Variants in GOLGA4 observed in about 807,000 individuals in gnomAD.
GOLGA4 encodes the protein golgin A4.
Under a neutral mutation model 265.9 loss-of-function variants are expected in GOLGA4, and 169 were observed. The ratio of observed to expected loss-of-function variants is 0.64; its 90% CI spans 0.56 to 0.72. The LOEUF (loss-of-function observed/expected upper bound fraction) is 0.72, where lower values mean the gene tolerates loss of function less well. Among genes scored for constraint, GOLGA4 ranks in the 30% least tolerant of loss-of-function variants. GOLGA4 has a pLI of 0.00. For synonymous variants in GOLGA4, 923 were observed against 855.8 expected, an observed-to-expected ratio of 1.08 and a Z score of -1.37; for missense variants, 2,482 against 2,483.4, an observed-to-expected ratio of 1.00 and a Z score of 0.01.
chr3:37,300,486 T>G (rs574437130), intron 9 of GOLGA4, among the ~76,000 whole-genome samples: 1 of 138,158 alleles, frequency 7.2e-6, no homozygotes, highest in South Asian at 2.2e-4. Context: ...ACTTAAATTG[T>G]TTTTTTTTTT....
intron 10 of GOLGA4, among the ~76,000 whole-genome samples, chr3:37,308,958 TAAC>T (rs1299605611): frequency 1.3e-5 from 2 of 151,786 alleles, no homozygotes; most frequent in Non-Finnish European, 2.9e-5. Context: ...ATTTTTAAAA[TAAC>T]AATTATAGGC....
At chr3:37,328,306 A>G in intron 14 of GOLGA4, 110 bp from the exon 15 acceptor site, 1 of 967,698 alleles carries the variant, frequency 1.0e-6, no homozygotes, top group Non-Finnish European at 1.6e-6. Flanking sequence ...TCTCTCAAAA[A>G]TGTTTTCATA....
At chr3:37,278,620 A>G (rs2096825984) in intron 2 of GOLGA4, among the ~76,000 whole-genome samples, 1 of 152,206 alleles carries the variant, frequency 6.6e-6, no homozygotes, top group Non-Finnish European at 1.5e-5. Context: ...TAAGGTAAAG[A>G]ATGAATGTAG....
At chr3:37,311,111 T>C (rs1340022254) in intron 10 of GOLGA4, among the ~76,000 whole-genome samples, 2 of 152,158 alleles carry the variant, frequency 1.3e-5, no homozygotes, top group Non-Finnish European at 2.9e-5. Context: ...GGTGAGATGT[T>C]TCTGGGTAGT....
intron 2 of GOLGA4, among the ~76,000 whole-genome samples, chr3:37,261,803 A>G (rs975420074): frequency 6.6e-6 from 1 of 152,138 alleles, no homozygotes; most frequent in East Asian, 1.9e-4. Context: ...GGGAGGCCTC[A>G]TGACCAAGAA....
chr3:37,308,233 C>CAA (rs750032403), intron 10 of GOLGA4, among the ~76,000 whole-genome samples: 4 of 108,732 alleles, frequency 3.7e-5, no homozygotes, highest in African/African-American at 1.0e-4. Context: ...AACTCTGTCT[C>CAA]AAAAAAAAAA....
intron 22 of GOLGA4, among the ~76,000 whole-genome samples, chr3:37,358,945 G>T (rs2097097483): frequency 1.3e-5 from 2 of 152,156 alleles, no homozygotes; most frequent in South Asian, 4.1e-4. Flanking sequence ...TTGGTAAAAT[G>T]AGATTGTTGG....
intron 2 of GOLGA4, among the ~76,000 whole-genome samples, chr3:37,270,987 G>T (rs1578429629): frequency 6.6e-6 from 1 of 151,754 alleles, no homozygotes; most frequent in East Asian, 1.9e-4. Flanking sequence ...AGATCATCAG[G>T]CATTACATTC....
chr3:37,319,871 C>T (rs1397296716), intron 12 of GOLGA4: 1 of 151,494 alleles, frequency 6.6e-6, no homozygotes, highest in Non-Finnish European at 1.5e-5. Context: ...TGATTAGGGA[C>T]AAAAAAAGGA....
rs191830598 is a variant in GOLGA4 at position 37,285,995 on chromosome 3, G to A, written c.478-19G>A. ...CATTTATTTAGGAATGACTAATGTT[G>A]TTGATGACTATATTTTAGCTTGTTA... On this transcript the variant is annotated intron_variant, in intron 3 of 23. Transcript: ENST00000361924. 3.2e-5 allele frequency: 47 copies of A among 1,458,864 alleles called. No homozygotes were observed. In the African/African-American group the frequency reaches 6.1e-4, roughly 19 times the overall value. The allele number at this position is 1,458,864 out of a possible 1,614,324, so 90.4% of individuals were successfully genotyped here.
intron 3 of GOLGA4, 117 bp downstream of exon 3, chr3:37,282,389 T>A: frequency 1.4e-6 from 1 of 710,708 alleles, no homozygotes; most frequent in Non-Finnish European, 2.4e-6. Context: ...GGATATATCC[T>A]GGTTACTAAT....
chr3:37,291,425 G>A (rs560813175), intron 5 of GOLGA4, among the ~76,000 whole-genome samples: 12 of 152,186 alleles, frequency 7.9e-5, no homozygotes, highest in African/African-American at 1.4e-4. Context: ...GTAAAGATAG[G>A]CCTCCTATCT....
intron 11 of GOLGA4, 126 bp downstream of exon 11, chr3:37,315,724 CA>C: frequency 1.2e-6 from 1 of 825,344 alleles, no homozygotes; most frequent in East Asian, 2.6e-5. Context: ...TTCTGATATT[CA>C]GGTTGTAAAA....
intron 10 of GOLGA4, among the ~76,000 whole-genome samples, chr3:37,308,612 A>AT (rs2096913832): frequency 7.5e-6 from 1 of 133,088 alleles, no homozygotes; most frequent in Non-Finnish European, 1.8e-5. Flanking sequence ...AATTAAAAGT[A>AT]AATATATATA....
At chr3:37,333,120 G>A (rs1407281861) in intron 16 of GOLGA4, among the ~76,000 whole-genome samples, 3 of 152,204 alleles carry the variant, frequency 2.0e-5, no homozygotes, top group Non-Finnish European at 4.4e-5. Context: ...TTTGGGAGAA[G>A]GGCATGGTGA....
chr3:37,338,919 T>G, intron 19 of GOLGA4, among the ~76,000 whole-genome samples: 1 of 150,484 alleles, frequency 6.6e-6, no homozygotes, highest in Middle Eastern at 3.2e-3. Flanking sequence ...TGGAGTGTAG[T>G]GGCACGATCT....
chr3:37,328,643 G>C, intron 15 of GOLGA4, 106 bp downstream of exon 15: 1 of 1,036,158 alleles, frequency 9.7e-7, no homozygotes, highest in Non-Finnish European at 1.4e-6. Flanking sequence ...TTAAACTGGG[G>C]AAGAAATAAT....
chr3:37,291,635 G>A (rs2096864973), intron 5 of GOLGA4, among the ~76,000 whole-genome samples: 1 of 152,206 alleles, frequency 6.6e-6, no homozygotes, highest in African/African-American at 2.4e-5. Context: ...AAATGCATTT[G>A]TGTTGACCTT....
At position 37,324,956 on chromosome 3, in the gene GOLGA4, A is replaced by G; in HGVS notation, c.3070A>G (p.Asn1024Asp). ...TGATGCAGTGTCAAGACTGGAAACA[A>G]ACCAAAAAGAACAAATAGAAAGTCT... The part of the protein sequence containing the change: ...ISDAVSRLET[N>D]QKEQIESLTE... Residue 1024 changes from asparagine (N) to aspartate (D), a missense_variant, in exon 14 of 24, where the codon AAC becomes GAC. Asn to Asp is a conservative substitution (Grantham distance 23). Coordinates refer to ENST00000361924, the MANE Select transcript of GOLGA4 (RefSeq NM_002078.5). 6.2e-7 allele frequency: 1 copy of G among 1,613,628 alleles called. No individual in the cohort carries two copies. Among genetic ancestry groups the G allele is most frequent in the Non-Finnish European group, 8.5e-7 (1 of 1,179,778 alleles).
Sources: gnomAD v4.1 joint callset for allele counts (sites outside exome capture counted in the v4.1 genomes callset) on GRCh38, gnomAD v4.1.1 for gene constraint, MANE v1.5 for transcripts, NCBI Gene and HGNC (gene_info 2026-07-23, HGNC 2026-07-21) for gene names.